Variants in IL1RAPL1 observed in about 807,000 individuals in gnomAD.
The protein encoded by IL1RAPL1 is interleukin-1 receptor accessory protein-like 1.
IL1RAPL1 carries 3 observed loss-of-function variants against 48.4 expected under a neutral mutation model. The ratio of observed to expected loss-of-function variants is 0.06; its 90% CI spans 0.03 to 0.16. The LOEUF (loss-of-function observed/expected upper bound fraction) is 0.16, where lower values mean the gene tolerates loss of function less well. IL1RAPL1 is among the 10% of genes least tolerant of loss of function. IL1RAPL1 has a pLI of 1.00. For missense variants in IL1RAPL1, 349 were observed against 530.6 expected, an observed-to-expected ratio of 0.66 and a Z score of 3.36; for synonymous variants, 185 against 187.7, an observed-to-expected ratio of 0.99 and a Z score of 0.12.
chrX:28,860,855 T>G lies in IL1RAPL1; in HGVS notation c.82+71430T>G, dbSNP rs760633006. 2.7e-5 allele frequency among the ~76,000 whole-genome samples: 3 copies of G among 111,600 alleles called. No individual in the cohort carries two copies. The Admixed American group carries it at 2.9e-4, about 11-fold the overall frequency. On this transcript the variant is annotated intron_variant, in intron 2 of 10. Transcript: ENST00000378993. The stretch of plus-strand genomic sequence containing the variant: ...TAGGACTTTACCAATCTAAGAATTT[T>G]TTTTTCTGAGAAAGGCATTCTGAAA...
Position 28,634,404 on chromosome X carries a change from C to T in IL1RAPL1, c.-25+46357C>T, listed in dbSNP as rs759286301. 1.8e-4 allele frequency among the ~76,000 whole-genome samples: 19 copies of T among 107,609 alleles called. No individual in the cohort carries two copies. The East Asian group carries it at 4.4e-3, about 25-fold the overall frequency. The allele number at this position is 107,609 out of a possible 115,157, so 93.4% of individuals were successfully genotyped here. ...GTATGTACACGTATATACGTATACA[C>T]GTATGTATACATATATACGTATGTA... is the stretch of plus-strand genomic sequence containing the variant. On this transcript the variant is annotated intron_variant, in intron 1 of 10. Transcript: ENST00000378993.
rs756664300 is a variant in IL1RAPL1 at position 29,813,045 on chromosome X, ACTTAT to A, written c.779-104415_779-104411del. On this transcript the variant is annotated intron_variant, in intron 6 of 10. Transcript: ENST00000378993. Reference sequence around the variant, plus strand: ...ACCATTTTGATTAATCCTTCTTAAAACTTATCTTCTATTAAATGTGTGAAAAACAT... The same window carrying A: ...ACCATTTTGATTAATCCTTCTTAAAACTTCTATTAAATGTGTGAAAAACAT... Among the ~76,000 whole-genome samples the A allele has an allele frequency of 9.0e-5, 10 of 111,408 alleles. No homozygotes were observed. In the South Asian group the frequency reaches 3.8e-3, roughly 42 times the overall value.
intron 2 of IL1RAPL1, among the ~76,000 whole-genome samples, chrX:28,999,847 G>T (rs1225208395): frequency 9.0e-6 from 1 of 111,725 alleles, no homozygotes; most frequent in African/African-American, 3.2e-5. Flanking sequence ...TATCTATATA[G>T]TCAGTATTCA....
intron 1 of IL1RAPL1, among the ~76,000 whole-genome samples, chrX:28,614,442 T>A: frequency 9.0e-6 from 1 of 111,496 alleles, no homozygotes; most frequent in East Asian, 2.8e-4. Context: ...CCTTTTCAAA[T>A]AGAGAAATTA....
intron 3 of IL1RAPL1, among the ~76,000 whole-genome samples, chrX:29,310,897 C>T (rs868695509): frequency 4.8e-4 from 54 of 112,176 alleles, no homozygotes; most frequent in African/African-American, 1.7e-3. Context: ...TAAACATCCT[C>T]TTCTTTGATG....
intron 5 of IL1RAPL1, among the ~76,000 whole-genome samples, chrX:29,585,397 T>C (rs759972732): frequency 1.8e-5 from 2 of 112,484 alleles, no homozygotes; most frequent in South Asian, 3.7e-4. Flanking sequence ...GTGTATTCCA[T>C]TGTATATATG....
intron 5 of IL1RAPL1, among the ~76,000 whole-genome samples, chrX:29,567,225 A>C (rs1415217702): frequency 9.0e-6 from 1 of 111,191 alleles, no homozygotes. Flanking sequence ...TACAAAAAAA[A>C]AAAGACAATT....
At chrX:29,236,545 C>CTTTTTTTTTTTTTTTTT (rs754996544) in intron 2 of IL1RAPL1, among the ~76,000 whole-genome samples, 105 of 63,137 alleles carry the variant, frequency 1.7e-3, no homozygotes, top group African/African-American at 3.3e-3. Context: ...CTTTTTTTTT[C>CTTTTTTTTTTTTTTTTT]TTTTTTTTTT....
chrX:29,602,276 C>T (rs773231208), intron 5 of IL1RAPL1, among the ~76,000 whole-genome samples: 2 of 111,443 alleles, frequency 1.8e-5, no homozygotes, highest in Non-Finnish European at 3.8e-5. Context: ...ATCCATTGCG[C>T]GTGGCCTATT....
At chrX:29,924,788 C>A (rs1932872741) in intron 8 of IL1RAPL1, among the ~76,000 whole-genome samples, 1 of 111,926 alleles carries the variant, frequency 8.9e-6, no homozygotes, top group Non-Finnish European at 1.9e-5. Context: ...TCTAGGTTTT[C>A]TTTATTTCCC....
chrX:29,062,764 T>C (rs1251987103), intron 2 of IL1RAPL1, among the ~76,000 whole-genome samples: 2 of 111,859 alleles, frequency 1.8e-5, no homozygotes, highest in East Asian at 5.6e-4. Context: ...GCCTTTATTT[T>C]ACCCTCTTCT....
At chrX:29,229,121 C>A (rs1931146248) in intron 2 of IL1RAPL1, among the ~76,000 whole-genome samples, 2 of 112,005 alleles carry the variant, frequency 1.8e-5, no homozygotes, top group Non-Finnish European at 3.8e-5. Flanking sequence ...TACATTTTTT[C>A]ATAAAATTAA....
At chrX:28,749,846 C>T (rs1035275508) in intron 1 of IL1RAPL1, among the ~76,000 whole-genome samples, 1 of 109,206 alleles carries the variant, frequency 9.2e-6, no homozygotes, top group Non-Finnish European at 1.9e-5. Flanking sequence ...GAATCATTTC[C>T]CCTATGTTTT....
intron 5 of IL1RAPL1, among the ~76,000 whole-genome samples, chrX:29,663,333 A>C (rs1452671125): frequency 8.9e-6 from 1 of 112,552 alleles, no homozygotes; most frequent in Non-Finnish European, 1.9e-5. Context: ...AAATCTGTGA[A>C]TATTTTTCGT....
intron 6 of IL1RAPL1, among the ~76,000 whole-genome samples, chrX:29,912,575 G>A (rs1398808620): frequency 8.9e-6 from 1 of 111,793 alleles, no homozygotes. Flanking sequence ...AGAGAAGGAG[G>A]AAGAAAAATT....
At chrX:29,903,948 A>ATATT (rs1932554869) in intron 6 of IL1RAPL1, among the ~76,000 whole-genome samples, 1 of 112,201 alleles carries the variant, frequency 8.9e-6, no homozygotes, top group Non-Finnish European at 1.9e-5. Context: ...GCTGACTGAT[A>ATATT]TATTTGATGT....
intron 5 of IL1RAPL1, among the ~76,000 whole-genome samples, chrX:29,495,189 GTT>G (rs1409538989): frequency 8.9e-6 from 1 of 111,840 alleles, no homozygotes; most frequent in African/African-American, 3.3e-5. Flanking sequence ...TTCAGTAGCT[GTT>G]CCTTGTAACC....
chrX:29,666,601 G>A (rs1926005923), intron 5 of IL1RAPL1, among the ~76,000 whole-genome samples: 4 of 108,996 alleles, frequency 3.7e-5, no homozygotes, highest in Non-Finnish European at 7.6e-5. Context: ...ACATTATGCC[G>A]TCAAGTGGGT....
rs148579013 is a variant in IL1RAPL1, at chrX:29,880,914, T to A, written c.779-36550T>A. ...ACTAATGTTTCATTATGAATCATGA[T>A]CACAAACAGAGTCATTATGTATGGG... is the stretch of plus-strand genomic sequence containing the variant. On this transcript the variant is annotated intron_variant, in intron 6 of 10. Transcript: ENST00000378993. Among the ~76,000 whole-genome samples, 220 of 111,763 alleles carry A rather than the reference T, an allele frequency of 2.0e-3. 2 individuals are homozygous for A. The highest frequency in any genetic ancestry group is 6.7e-3 in the African/African-American group (206 of 30,768).
Sources: allele counts gnomAD v4.1 joint callset (sites outside exome capture counted in the v4.1 genomes callset), GRCh38; gene constraint gnomAD v4.1.1; transcripts MANE v1.5; gene names NCBI Gene and HGNC (gene_info 2026-07-23, HGNC 2026-07-21).